SLA: variants seen among roughly 807,000 people sequenced by gnomAD.
The protein encoded by SLA is src-like-adapter.
In SLA, 16 loss-of-function variants were observed where a neutral mutation model predicts 30.3. That is an observed-to-expected ratio of 0.53 (90% CI 0.36 to 0.80). The LOEUF (loss-of-function observed/expected upper bound fraction) is 0.80. Among genes scored for constraint, SLA ranks in the 30% least tolerant of loss-of-function variants. SLA has a pLI of 0.01. For synonymous variants in SLA, 143 were observed against 137.8 expected, an observed-to-expected ratio of 1.04 and a Z score of -0.26; for missense variants, 310 against 345.2, an observed-to-expected ratio of 0.90 and a Z score of 0.81.
intron 6 of SLA, among the ~76,000 whole-genome samples, chr8:133,045,499 A>T (rs1434328935): frequency 7.1e-6 from 1 of 141,598 alleles, no homozygotes; most frequent in East Asian, 2.1e-4. Flanking sequence ...GGCTCAAGGG[A>T]TCCTCCCACC....
intron 1 of SLA, chr8:133,102,317 A>C (rs1391710043): frequency 2.1e-6 from 1 of 470,122 alleles, no homozygotes; most frequent in African/African-American, 1.9e-5. Context: ...CCACAAACAC[A>C]TGCAGTGCAG....
At chr8:133,040,709 G>C (rs1425644422) in intron 7 of SLA, among the ~76,000 whole-genome samples, 1 of 152,102 alleles carries the variant, frequency 6.6e-6, no homozygotes, top group Non-Finnish European at 1.5e-5. Context: ...AGGAATGAAA[G>C]AGGGCGAGGA....
chr8:133,058,450 A>G (rs1316663698), intron 3 of SLA, among the ~76,000 whole-genome samples: 1 of 152,238 alleles, frequency 6.6e-6, no homozygotes, highest in Non-Finnish European at 1.5e-5. Flanking sequence ...AGTTGAAGGC[A>G]AATGAGCAAG....
At chr8:133,048,995 T>C in intron 5 of SLA, 1 of 335,938 alleles carries the variant, frequency 3.0e-6, no homozygotes, top group Non-Finnish European at 6.0e-6. Flanking sequence ...TCTTTTCCAT[T>C]TCCAATGTGC....
At chr8:133,069,695 G>T (rs1321760049) in intron 2 of SLA, among the ~76,000 whole-genome samples, 1 of 152,050 alleles carries the variant, frequency 6.6e-6, no homozygotes, top group East Asian at 1.9e-4. Context: ...AAATAAAAGG[G>T]AACAGTTAGA....
Position 133,045,124 on chromosome 8 carries a change from G to A in SLA, c.353-9C>T, listed in dbSNP as rs2131146933. 6.2e-7 allele frequency: 1 copy of A among 1,614,022 alleles called. No homozygotes were observed. The highest frequency in any genetic ancestry group is 8.5e-7 in the Non-Finnish European group (1 of 1,179,942). ...CGACAGTGAGTAAAACCCTGCAGGA[G>A]GTGGAGGATAAGTCAGTGGGCTCCA... On this transcript the variant is annotated splice_polypyrimidine_tract_variant and intron_variant, in intron 6 of 8. Transcript: ENST00000338087.
chr8:133,039,401 T>C (rs1009694162), intron 8 of SLA, among the ~76,000 whole-genome samples: 4 of 152,240 alleles, frequency 2.6e-5, no homozygotes, highest in African/African-American at 9.6e-5. Context: ...AGAGCAGTTT[T>C]CTTCATGTCT....
Position 133,074,835 on chromosome 8 carries a change from C to T in SLA, c.-41+18G>A, listed in dbSNP as rs946191917. On this transcript the variant is annotated intron_variant, in intron 2 of 8. Transcript: ENST00000338087. ...AAGTCTCTCCCCACCCCATCTCTGC[C>T]ACATACTCCCAAAATACCTTCACAC... 2.3e-5 allele frequency: 23 copies of T among 985,270 alleles called. No individual in the cohort carries two copies. The African/African-American group carries it at 4.0e-4, about 17-fold the overall frequency. The allele number at this position is 985,270 out of a possible 1,614,324, so 61.0% of individuals were successfully genotyped here.
chr8:133,068,824 A>G (rs1587976943), intron 2 of SLA, among the ~76,000 whole-genome samples: 1 of 152,368 alleles, frequency 6.6e-6, no homozygotes, highest in South Asian at 2.1e-4. Flanking sequence ...TTCTGTACAC[A>G]GAGGCCCCCA....
At chr8:133,074,543 T>A (rs944234688) in intron 2 of SLA, among the ~76,000 whole-genome samples, 2 of 152,242 alleles carry the variant, frequency 1.3e-5, no homozygotes, top group African/African-American at 4.8e-5. Flanking sequence ...GGAATTCTGA[T>A]GGCAAATCCC....
intron 1 of SLA, among the ~76,000 whole-genome samples, chr8:133,099,078 G>A (rs1325859281): frequency 6.6e-6 from 1 of 152,200 alleles, no homozygotes; most frequent in Non-Finnish European, 1.5e-5. Context: ...AAAGAAAGAT[G>A]GGGCCACCAG....
intron 2 of SLA, among the ~76,000 whole-genome samples, chr8:133,071,378 C>T (rs893825445): frequency 1.3e-5 from 2 of 152,192 alleles, no homozygotes; most frequent in Non-Finnish European, 2.9e-5. Flanking sequence ...GCCTGGCTCC[C>T]AGCTACCGTG....
chr8:133,093,864 C>T (rs184587970), intron 1 of SLA, among the ~76,000 whole-genome samples: 6 of 152,216 alleles, frequency 3.9e-5, no homozygotes, highest in Admixed American at 2.0e-4. Context: ...GTAAGAGCAA[C>T]CGACTTATAC....
intron 8 of SLA, among the ~76,000 whole-genome samples, chr8:133,039,582 CAAAG>C (rs928063686): frequency 2.0e-5 from 3 of 152,042 alleles, no homozygotes; most frequent in African/African-American, 7.2e-5. Context: ...TTAGAAAAAA[CAAAG>C]AAGTCACTGT....
chr8:133,072,956 A>T (rs1445118953), intron 2 of SLA: 1 of 152,244 alleles, frequency 6.6e-6, no homozygotes, highest in African/African-American at 2.4e-5. Flanking sequence ...GTTTATTAAT[A>T]GCTTTCTGCC....
chr8:133,069,900 C>T (rs1232320086), intron 2 of SLA, among the ~76,000 whole-genome samples: 1 of 147,938 alleles, frequency 6.8e-6, no homozygotes, highest in Non-Finnish European at 1.5e-5. Flanking sequence ...ACTTGGGAGG[C>T]TGAGGCAGGA....
chr8:133,040,166 G>T (rs200640742), intron 7 of SLA, 36 bp from the exon 8 acceptor site: 1 of 1,564,302 alleles, frequency 6.4e-7, no homozygotes, highest in South Asian at 1.2e-5. Context: ...CAGGGACCCT[G>T]GGGACGCCTC....
At chr8:133,100,364 T>G (rs1050326629) in intron 1 of SLA, among the ~76,000 whole-genome samples, 5 of 152,212 alleles carry the variant, frequency 3.3e-5, no homozygotes, top group Non-Finnish European at 5.9e-5. Context: ...TATTATGTAT[T>G]TGTCTGTTGT....
At chr8:133,059,282 G>A (rs1298807441) in intron 3 of SLA, 3 of 373,754 alleles carry the variant, frequency 8.0e-6, no homozygotes, top group African/African-American at 2.1e-5. Context: ...TTCCCTAACC[G>A]TCCCTTTCCC....
Sources: allele counts gnomAD v4.1 joint callset (sites outside exome capture counted in the v4.1 genomes callset), GRCh38; gene constraint gnomAD v4.1.1; transcripts MANE v1.5; gene names NCBI Gene and HGNC (gene_info 2026-07-23, HGNC 2026-07-21).